Variants in KCTD14 observed in about 807,000 individuals in gnomAD.
KCTD14 encodes the protein potassium channel tetramerization domain containing 14.
Under a neutral mutation model 5.9 loss-of-function variants are expected in KCTD14, and 7 were observed. That is an observed-to-expected ratio of 1.19 (90% CI 0.68 to 2.23). The LOEUF is 2.23. KCTD14 is among the 30% of genes most tolerant of loss of function. KCTD14 has a pLI of 0.00. For synonymous variants in KCTD14, 140 were observed against 133.1 expected, an observed-to-expected ratio of 1.05 and a Z score of -0.36; for missense variants, 342 against 332.2, an observed-to-expected ratio of 1.03 and a Z score of -0.23.
At chr11:78,039,114 G>C (rs1444275485) in intron 1 of KCTD14, among the ~76,000 whole-genome samples, 7 of 151,096 alleles carry the variant, frequency 4.6e-5, no homozygotes, top group Admixed American at 2.0e-4. Context: ...TCTGACCACA[G>C]GGTTGGGCTG....
chr11:78,035,715 C>T (rs1221151595), intron 2 of KCTD14, among the ~76,000 whole-genome samples: 1 of 151,674 alleles, frequency 6.6e-6, no homozygotes, highest in Admixed American at 6.6e-5. Flanking sequence ...CATTGTGTTG[C>T]GCACCTGTAA....
chr11:78,025,071 C>T (rs1190051955), upstream of KCTD14, among the ~76,000 whole-genome samples: 1 of 145,220 alleles, frequency 6.9e-6, no homozygotes, highest in East Asian at 2.0e-4. Flanking sequence ...TATACACACA[C>T]ACATATATAC....
At chr11:78,030,005 C>T (rs1857571661) in intron 2 of KCTD14, among the ~76,000 whole-genome samples, 2 of 151,968 alleles carry the variant, frequency 1.3e-5, no homozygotes, top group South Asian at 2.1e-4. Context: ...AGGATGGTCT[C>T]GATCTCCTGA....
chr11:78,030,175 C>A (rs558472462), intron 2 of KCTD14, among the ~76,000 whole-genome samples: 1 of 152,232 alleles, frequency 6.6e-6, no homozygotes, highest in Non-Finnish European at 1.5e-5. Context: ...TTTTCCCCCC[C>A]TCCAATTGCA....
Position 78,016,980 on chromosome 11 carries a change from C to T in KCTD14, c.381G>A (p.Gln127=), listed in dbSNP as rs373305602. The part of the protein sequence containing the change: ...PLVKLLEDMP[Q]IFGEQVSRKQ... ...TCCGAGACACCTGCTCACCAAAGAT[C>T]TGTGGCATGTCCTCCAGCAGCTTGA... Residue 127 remains glutamine, a synonymous_variant, in exon 2 of 2, where the codon CAG becomes CAA. Transcript: ENST00000353172. 15 of 1,614,126 alleles carry T rather than the reference C, an allele frequency of 9.3e-6. No individual in the cohort carries two copies. In the African/African-American group the frequency reaches 1.7e-4, roughly 19 times the overall value.
chr11:78,019,891 C>T (rs190068887), intron 1 of KCTD14, among the ~76,000 whole-genome samples: 1 of 152,320 alleles, frequency 6.6e-6, no homozygotes, highest in African/African-American at 2.4e-5. Flanking sequence ...CCGTTTTACT[C>T]CAAGCTTGAG....
chr11:78,024,820 C>T (rs987433122), upstream of KCTD14, among the ~76,000 whole-genome samples: 4 of 151,712 alleles, frequency 2.6e-5, no homozygotes, highest in Non-Finnish European at 5.9e-5. Flanking sequence ...TGGTGGGCAC[C>T]TGTAATCCCA....
chr11:78,026,960 G>A (rs145576001), upstream of KCTD14, among the ~76,000 whole-genome samples: 610 of 151,982 alleles, frequency 4.0e-3, 7 homozygotes, highest in African/African-American at 0.014. Flanking sequence ...ATTAGCTGGC[G>A]TGGTGGCATG....
intron 2 of KCTD14, among the ~76,000 whole-genome samples, chr11:78,035,231 G>T (rs1857753446): frequency 6.6e-6 from 1 of 152,122 alleles, no homozygotes; most frequent in African/African-American, 2.4e-5. Context: ...ACTCTGGGAG[G>T]CTGATCCTTT....
upstream of KCTD14, among the ~76,000 whole-genome samples, chr11:78,025,675 G>A (rs1279129052): frequency 1.3e-5 from 2 of 152,158 alleles, 1 homozygote; most frequent in Non-Finnish European, 2.9e-5. Flanking sequence ...CTATAACAGT[G>A]GCCAGTGTAG....
intron 1 of KCTD14, among the ~76,000 whole-genome samples, chr11:78,040,802 T>C (rs1857970918): frequency 6.6e-6 from 1 of 152,096 alleles, no homozygotes; most frequent in Non-Finnish European, 1.5e-5. Flanking sequence ...TCCCAGTAGC[T>C]AGGACTACAG....
intron 1 of KCTD14, among the ~76,000 whole-genome samples, chr11:78,042,523 TA>T (rs1858022291): frequency 6.6e-6 from 1 of 150,382 alleles, no homozygotes. Context: ...AAAAAAAAAA[TA>T]GAAGAAAGAG....
At chr11:78,032,221 G>A (rs147280549) in intron 2 of KCTD14, among the ~76,000 whole-genome samples, 1 of 152,220 alleles carries the variant, frequency 6.6e-6, no homozygotes, top group African/African-American at 2.4e-5. Flanking sequence ...GCCCCAGCAA[G>A]CTCCTTTCTG....
intron 1 of KCTD14, among the ~76,000 whole-genome samples, chr11:78,019,026 CTT>C (rs750759055): frequency 9.3e-5 from 13 of 140,342 alleles, no homozygotes; most frequent in Admixed American, 2.1e-4. Flanking sequence ...TTTTTCTTTT[CTT>C]TTTTTTTTTT....
rs895449887 is a variant in KCTD14 at position 78,015,924 on chromosome 11, T to C, written c.*669A>G. 4 of 152,266 alleles carry C rather than the reference T, an allele frequency of 2.6e-5. No individual in the cohort carries two copies. The highest frequency in any genetic ancestry group is 9.6e-5 in the African/African-American group (4 of 41,464). The allele number at this position is 152,266 out of a possible 1,614,324, so 9.4% of individuals were successfully genotyped here. Reference sequence around the variant, plus strand: ...CATACAAGAGGTAGCAATTCTTTTCTAGAGATGGTCTCAAAATTAGAATAC... The same window carrying C: ...CATACAAGAGGTAGCAATTCTTTTCCAGAGATGGTCTCAAAATTAGAATAC... On this transcript the variant is annotated 3_prime_UTR_variant, in exon 2 of 2. Coordinates refer to ENST00000353172, the MANE Select transcript of KCTD14 (RefSeq NM_023930.4).
At chr11:78,032,157 T>C (rs1186202754) in intron 2 of KCTD14, among the ~76,000 whole-genome samples, 1 of 152,210 alleles carries the variant, frequency 6.6e-6, no homozygotes, top group Non-Finnish European at 1.5e-5. Flanking sequence ...AGGGAGGCAC[T>C]GGGAGGAAGT....
intron 1 of KCTD14, among the ~76,000 whole-genome samples, chr11:78,018,215 C>T (rs914539641): frequency 6.6e-6 from 1 of 152,138 alleles, no homozygotes; most frequent in East Asian, 1.9e-4. Flanking sequence ...AAGCCTTTTT[C>T]CCTCTTACAG....
chr11:78,037,143 A>G (rs375902628), intron 2 of KCTD14, among the ~76,000 whole-genome samples: 3 of 152,190 alleles, frequency 2.0e-5, no homozygotes, highest in African/African-American at 7.2e-5. Context: ...CAGAGGGGCC[A>G]ATCAGTAAAA....
intron 2 of KCTD14, among the ~76,000 whole-genome samples, chr11:78,037,286 T>C (rs1472344141): frequency 6.6e-6 from 1 of 152,224 alleles, no homozygotes; most frequent in Non-Finnish European, 1.5e-5. Context: ...CACATCCTCT[T>C]CCCTGTTTGC....
Sources: gnomAD v4.1 joint callset for allele counts (sites outside exome capture counted in the v4.1 genomes callset) on GRCh38, gnomAD v4.1.1 for gene constraint, MANE v1.5 for transcripts, NCBI Gene and HGNC (gene_info 2026-07-23, HGNC 2026-07-21) for gene names.